LRBA: variants seen among roughly 807,000 people sequenced by gnomAD.
LRBA encodes LPS responsive beige-like anchor protein.
Under a neutral mutation model 330.0 loss-of-function variants are expected in LRBA, and 176 were observed. The observed-to-expected ratio is 0.53, with a 90% confidence interval of 0.47 to 0.60. LRBA has a LOEUF of 0.60. LRBA is among the 20% of genes least tolerant of loss of function. The pLI, the probability that LRBA is intolerant of heterozygous loss-of-function variation, is 0.00. For synonymous variants in LRBA, 1,230 were observed against 1,193.0 expected (o/e 1.03, Z -0.64); for missense variants, 3,259 against 3,444.8 (o/e 0.95, Z 1.35).
At chr4:150,681,332 G>A (rs1363633797) in intron 37 of LRBA, among the ~76,000 whole-genome samples, 1 of 152,184 alleles carries the variant, frequency 6.6e-6, no homozygotes, top group Non-Finnish European at 1.5e-5. Context: ...TCAGAGAATA[G>A]TTAACCACTG....
intron 4 of LRBA, among the ~76,000 whole-genome samples, chr4:150,925,495 G>A (rs564152349): frequency 6.6e-6 from 1 of 152,310 alleles, no homozygotes; most frequent in African/African-American, 2.4e-5. Context: ...GACTCCTCTT[G>A]AGGTTGGCTC....
intron 42 of LRBA, among the ~76,000 whole-genome samples, chr4:150,480,548 A>G (rs1757187176): frequency 6.6e-6 from 1 of 152,156 alleles, no homozygotes; most frequent in Non-Finnish European, 1.5e-5. Context: ...ATAATGCTAT[A>G]GCACATACTA....
chr4:150,573,947 C>T (rs1770207261), intron 40 of LRBA, among the ~76,000 whole-genome samples: 3 of 151,946 alleles, frequency 2.0e-5, no homozygotes, highest in Non-Finnish European at 1.5e-5. Context: ...AAGGAGAAGA[C>T]CAATAATTTA....
In LRBA at chr4:150,591,681, A is replaced by AGCAGCTT. The variant is rs1561398130; in HGVS notation, c.6047-829_6047-823dup. Among the ~76,000 whole-genome samples the AGCAGCTT allele has an allele frequency of 2.6e-5, 4 of 152,112 alleles. No individual in the cohort carries two copies. The South Asian group carries it at 6.2e-4, about 24-fold the overall frequency. On this transcript the variant is annotated intron_variant, in intron 38 of 56. Coordinates refer to ENST00000651943, the MANE Select transcript of LRBA (RefSeq NM_001364905.1). ...AGGGGCCTCATGCGGCCTGAACTGG[A>AGCAGCTT]GCAGCTTGTGGAGAGCAGCAGTACC... is the stretch of plus-strand genomic sequence containing the variant.
chr4:150,432,619 G>C (rs1436576691), intron 46 of LRBA, among the ~76,000 whole-genome samples: 2 of 151,550 alleles, frequency 1.3e-5, no homozygotes, highest in African/African-American at 4.8e-5. Flanking sequence ...CACATTTTTT[G>C]TATTTTTAGT....
At chr4:150,896,967 ATATTAAT>A (rs1730150751) in intron 15 of LRBA, among the ~76,000 whole-genome samples, 2 of 151,364 alleles carry the variant, frequency 1.3e-5, no homozygotes, top group Non-Finnish European at 3.0e-5. Flanking sequence ...CTCTATCAGT[ATATTAAT>A]CACTAAAAAA....
At position 150,636,339 on chromosome 4, in the gene LRBA, T is replaced by C. The variant is rs141982012; in HGVS notation, c.5922-37208A>G. Among the ~76,000 whole-genome samples the C allele has an allele frequency of 9.6e-4, 146 of 152,300 alleles. 3 individuals are homozygous for C. The highest frequency in any genetic ancestry group is 3.4e-3 in the African/African-American group (143 of 41,568). On this transcript the variant is annotated intron_variant, in intron 37 of 56. Coordinates refer to ENST00000651943, the MANE Select transcript of LRBA (RefSeq NM_001364905.1). ...TTCAACGGATTATAATTTATTGCTA[T>C]CTATTAGATAATATTATCTATTTTG...
chr4:150,504,422 G>C lies in LRBA; in HGVS notation c.6331-13387C>G, dbSNP rs549138779. On this transcript the variant is annotated intron_variant, in intron 40 of 56. Coordinates refer to ENST00000651943, the MANE Select transcript of LRBA (RefSeq NM_001364905.1). Reference sequence around the variant, plus strand: ...AGCAGAAACTCTACAAGCCAGAAGAGAGTGGGGGCCAATATTCAACATTCT... The same window carrying C: ...AGCAGAAACTCTACAAGCCAGAAGACAGTGGGGGCCAATATTCAACATTCT... Among the ~76,000 whole-genome samples the C allele has an allele frequency of 2.8e-4, 42 of 152,370 alleles. No homozygotes were observed. The East Asian group carries it at 7.9e-3, about 29-fold the overall frequency.
intron 28 of LRBA, among the ~76,000 whole-genome samples, chr4:150,835,729 C>A (rs1256167840): frequency 6.6e-6 from 1 of 152,134 alleles, no homozygotes; most frequent in African/African-American, 2.4e-5. Flanking sequence ...TCTAAATATA[C>A]AATCATGTCA....
chr4:150,551,912 A>T (rs1205728186), intron 40 of LRBA, among the ~76,000 whole-genome samples: 2 of 152,134 alleles, frequency 1.3e-5, no homozygotes, highest in African/African-American at 4.8e-5. Context: ...TTGGCACCAG[A>T]AACTGATTTC....
rs1173705541 is a variant in LRBA at position 150,435,654 on chromosome 4, C to A, written c.6976G>T (p.Asp2326Tyr). 6.2e-7 allele frequency: 1 copy of A among 1,612,786 alleles called. No individual in the cohort carries two copies. The highest frequency in any genetic ancestry group is 8.5e-7 in the Non-Finnish European group (1 of 1,179,358). Residue 2326 changes from aspartate to tyrosine, a missense_variant, in exon 46 of 57, where the codon GAT becomes TAT. Asp to Tyr is a radical substitution (Grantham distance 160). Coordinates refer to ENST00000651943, the MANE Select transcript of LRBA (RefSeq NM_001364905.1). ...CTGGAAATTGATGAAAAAGTTCGAT[C>A]TGCATGATCAAATTTGCCTCCTTGC... ...NLQGGKFDHA[D>Y]RTFSSISRAW...
At position 150,292,842 on chromosome 4, in the gene LRBA, T is replaced by C. The variant is rs1580920964; in HGVS notation, c.8018-6808A>G. ...AAAGGTCAACATAATAGTACTGAAG[T>C]CCATACCACTTGTAACAACTAATTT... is the stretch of plus-strand genomic sequence containing the variant. On this transcript the variant is annotated intron_variant, in intron 53 of 56. Transcript: ENST00000651943. Among the ~76,000 whole-genome samples the C allele has an allele frequency of 2.0e-5, 3 of 152,228 alleles. No individual in the cohort carries two copies. In the Middle Eastern group the frequency reaches 0.01, roughly 518 times the overall value.
intron 35 of LRBA, among the ~76,000 whole-genome samples, chr4:150,754,126 C>T (rs1376661295): frequency 7.0e-6 from 1 of 142,272 alleles, no homozygotes; most frequent in Non-Finnish European, 1.5e-5. Flanking sequence ...ATATAAAGTG[C>T]ACAAAACAAG....
intron 38 of LRBA, among the ~76,000 whole-genome samples, chr4:150,596,346 T>C (rs901067000): frequency 1.3e-5 from 2 of 151,804 alleles, no homozygotes; most frequent in East Asian, 1.9e-4. Flanking sequence ...AATCAATCTA[T>C]AAAAAAGATG....
intron 47 of LRBA, among the ~76,000 whole-genome samples, chr4:150,362,765 C>T (rs933707584): frequency 1.3e-5 from 2 of 152,160 alleles, no homozygotes; most frequent in Non-Finnish European, 2.9e-5. Flanking sequence ...ACACCACCCA[C>T]AGTTCTCTCA....
chr4:150,911,789 T>G (rs1424470264), intron 9 of LRBA, among the ~76,000 whole-genome samples: 4 of 152,214 alleles, frequency 2.6e-5, no homozygotes, highest in African/African-American at 4.8e-5. Context: ...TTTAGATGAC[T>G]GAGAGCATTC....
chr4:150,766,171 T>C (rs1426672588), intron 34 of LRBA, among the ~76,000 whole-genome samples: 1 of 152,048 alleles, frequency 6.6e-6, no homozygotes, highest in Non-Finnish European at 1.5e-5. Flanking sequence ...ATGTTCTCAT[T>C]AATTTTTTCA....
chr4:150,949,858 C>T (rs1452939190), intron 2 of LRBA, among the ~76,000 whole-genome samples: 5 of 151,844 alleles, frequency 3.3e-5, no homozygotes, highest in Non-Finnish European at 5.9e-5. Flanking sequence ...AAAAAAAAAT[C>T]AGTATATTTA....
chr4:150,745,572 G>A (rs2126329620), intron 35 of LRBA, among the ~76,000 whole-genome samples: 1 of 152,224 alleles, frequency 6.6e-6, no homozygotes, highest in Non-Finnish European at 1.5e-5. Context: ...CTGGAGTGCA[G>A]TGGCACGATC....
Sources: allele counts gnomAD v4.1 joint callset (sites outside exome capture counted in the v4.1 genomes callset), GRCh38; gene constraint gnomAD v4.1.1; transcripts MANE v1.5; gene names NCBI Gene and HGNC (gene_info 2026-07-23, HGNC 2026-07-21).